PHACTR1: variants seen among roughly 807,000 people sequenced by gnomAD.
PHACTR1 encodes RPEL repeat containing 1.
In PHACTR1, 16 loss-of-function variants were observed where a neutral mutation model predicts 69.2. That is an observed-to-expected ratio of 0.23 (90% CI 0.16 to 0.35). The LOEUF is 0.35. Among genes scored for constraint, PHACTR1 ranks in the 10% least tolerant of loss-of-function variants. PHACTR1 has a pLI of 1.00. For missense variants in PHACTR1, 510 were observed against 734.7 expected (o/e 0.69, Z 3.54); for synonymous variants, 312 against 284.5 (o/e 1.10, Z -0.97).
chr6:13,205,797 G>T lies in PHACTR1; in HGVS notation c.665-18G>T, dbSNP rs759553689. 12 of 1,556,698 alleles carry T rather than the reference G, an allele frequency of 7.7e-6. No homozygotes were observed. Among genetic ancestry groups the T allele is most frequent in the Non-Finnish European group, 1.0e-5 (12 of 1,147,656 alleles). On this transcript the variant is annotated intron_variant, in intron 7 of 14. Transcript: ENST00000332995. ...GCCCCCAAACTCACATCTGCCTCTC[G>T]CCCTCTTTCTGCCACAGATCCTGGC...
intron 5 of PHACTR1, among the ~76,000 whole-genome samples, chr6:13,108,305 A>G (rs922069256): frequency 6.6e-6 from 1 of 152,092 alleles, no homozygotes; most frequent in African/African-American, 2.4e-5. Flanking sequence ...GTATAAAATA[A>G]CTTGGTGAAT....
Position 13,010,442 on chromosome 6 carries a change from T to C in PHACTR1, c.251-42923T>C, listed in dbSNP as rs571244429. On this transcript the variant is annotated intron_variant, in intron 4 of 14. Coordinates refer to ENST00000332995, the MANE Select transcript of PHACTR1 (RefSeq NM_030948.6). ...CACACCCAGCCCTTCCCATTAAGTT[T>C]CAAGTTCCATGAGATCAAGAGTCCT... Among the ~76,000 whole-genome samples, 3 of 152,298 alleles carry C rather than the reference T, an allele frequency of 2.0e-5. No homozygotes were observed. The East Asian group carries it at 5.8e-4, about 29-fold the overall frequency.
intron 4 of PHACTR1, among the ~76,000 whole-genome samples, chr6:12,847,565 G>A (rs1019184417): frequency 6.6e-6 from 1 of 151,902 alleles, no homozygotes; most frequent in African/African-American, 2.4e-5. Flanking sequence ...AATATTTGTA[G>A]TGGCTAGAAA....
At chr6:13,183,814 A>T (rs144883562) in intron 7 of PHACTR1, among the ~76,000 whole-genome samples, 1 of 152,162 alleles carries the variant, frequency 6.6e-6, no homozygotes, top group African/African-American at 2.4e-5. Flanking sequence ...TTTGACTGTT[A>T]TAGTAAAAAT....
At chr6:13,219,158 G>A (rs1215710021) in intron 8 of PHACTR1, among the ~76,000 whole-genome samples, 1 of 152,064 alleles carries the variant, frequency 6.6e-6, no homozygotes, top group Non-Finnish European at 1.5e-5. Context: ...TTATTGACTC[G>A]GGACTGCCAT....
chr6:13,272,321 T>C (rs946219148), intron 10 of PHACTR1: 1 of 154,084 alleles, frequency 6.5e-6, no homozygotes, highest in African/African-American at 2.4e-5. Flanking sequence ...TTGCCACTCA[T>C]GTCTTCTAAG....
chr6:12,864,918 T>C (rs1380757762), intron 4 of PHACTR1, among the ~76,000 whole-genome samples: 1 of 152,200 alleles, frequency 6.6e-6, no homozygotes, highest in Non-Finnish European at 1.5e-5. Context: ...CTCTTCTTGA[T>C]TTTCTTGTTT....
rs561068924 is a variant in PHACTR1, at chr6:13,051,878, G to A, written c.251-1487G>A. ...ATCATAGTATCTGGCAGAGATTTAA[G>A]TGGCCACTTAATCAAATGATTGAAA... On this transcript the variant is annotated intron_variant, in intron 4 of 14. Coordinates refer to ENST00000332995, the MANE Select transcript of PHACTR1 (RefSeq NM_030948.6). Among the ~76,000 whole-genome samples, 32 of 152,270 alleles carry A rather than the reference G, an allele frequency of 2.1e-4. No individual in the cohort carries two copies. The South Asian group carries it at 5.6e-3, about 27-fold the overall frequency.
At chr6:13,090,297 C>T (rs6919964) in intron 5 of PHACTR1, among the ~76,000 whole-genome samples, 1,864 of 151,846 alleles carry the variant, frequency 0.012, 43 homozygotes, top group African/African-American at 0.043. Context: ...CCACCTGCCT[C>T]GGCCTCCCAA....
chr6:13,247,780 G>A (rs1279864370), intron 10 of PHACTR1, among the ~76,000 whole-genome samples: 1 of 152,168 alleles, frequency 6.6e-6, no homozygotes, highest in African/African-American at 2.4e-5. Flanking sequence ...CTTGAGGTCA[G>A]GACTTCGAGG....
At chr6:13,268,610 A>G (rs1432844969) in intron 10 of PHACTR1, among the ~76,000 whole-genome samples, 1 of 152,242 alleles carries the variant, frequency 6.6e-6, no homozygotes, top group African/African-American at 2.4e-5. Flanking sequence ...TTTGCAGAGA[A>G]AAGAGCATAG....
intron 5 of PHACTR1, among the ~76,000 whole-genome samples, chr6:13,098,611 C>T (rs1316216217): frequency 6.6e-6 from 1 of 152,208 alleles, no homozygotes; most frequent in Non-Finnish European, 1.5e-5. Flanking sequence ...TCATCATTCA[C>T]CTCCCAGACC....
chr6:13,177,017 C>G (rs1761409975), intron 6 of PHACTR1, among the ~76,000 whole-genome samples: 2 of 151,844 alleles, frequency 1.3e-5, no homozygotes, highest in East Asian at 3.9e-4. Flanking sequence ...GAACCCTGAG[C>G]CTTTTCAGAA....
intron 4 of PHACTR1, among the ~76,000 whole-genome samples, chr6:12,977,524 T>C (rs1795043310): frequency 1.3e-5 from 2 of 152,210 alleles, no homozygotes; most frequent in Admixed American, 1.3e-4. Context: ...TATAAAGTTA[T>C]CCTTGGCTTT....
chr6:13,230,715 TAG>T (rs922311455), intron 10 of PHACTR1, among the ~76,000 whole-genome samples: 2 of 151,998 alleles, frequency 1.3e-5, no homozygotes, highest in African/African-American at 4.8e-5. Context: ...TAATCATCTG[TAG>T]AAAAGCCTCC....
At chr6:13,058,955 T>C (rs564822547) in intron 5 of PHACTR1, among the ~76,000 whole-genome samples, 1 of 152,150 alleles carries the variant, frequency 6.6e-6, no homozygotes, top group South Asian at 2.1e-4. Context: ...GACAGACCAG[T>C]GGGAGGCATT....
At chr6:12,990,364 A>C (rs1796681590) in intron 4 of PHACTR1, among the ~76,000 whole-genome samples, 1 of 152,166 alleles carries the variant, frequency 6.6e-6, no homozygotes, top group Non-Finnish European at 1.5e-5. Context: ...GAGACTGAAG[A>C]GTACCCTTGA....
At chr6:12,933,873 A>AG in intron 4 of PHACTR1, 1 of 1,612,510 alleles carries the variant, frequency 6.2e-7, no homozygotes, top group Non-Finnish European at 8.5e-7. Context: ...CTGCCTTTAG[A>AG]GGGGGAAGAG....
At chr6:12,780,249 CTGTGTG>C (rs71552713) in intron 4 of PHACTR1, among the ~76,000 whole-genome samples, 24,179 of 147,422 alleles carry the variant, frequency 0.16, 2,232 homozygotes, top group East Asian at 0.43. Flanking sequence ...TATCTTTTCT[CTGTGTG>C]TGTGTGTGTG....
Sources: gnomAD v4.1 joint callset for allele counts (sites outside exome capture counted in the v4.1 genomes callset) on GRCh38, gnomAD v4.1.1 for gene constraint, MANE v1.5 for transcripts, NCBI Gene and HGNC (gene_info 2026-07-23, HGNC 2026-07-21) for gene names.